The following RORA variants were observed in gnomAD, a reference collection of about 807,000 sequenced individuals.
The protein encoded by RORA is RAR related orphan receptor A.
RORA carries 7 observed loss-of-function variants against 69.5 expected under a neutral mutation model. The ratio of observed to expected loss-of-function variants is 0.10; its 90% CI spans 0.06 to 0.19. The LOEUF (loss-of-function observed/expected upper bound fraction) is 0.19, where lower values mean the gene tolerates loss of function less well. Among genes scored for constraint, RORA ranks in the 10% least tolerant of loss-of-function variants. The pLI is 1.00. For synonymous variants in RORA, 261 were observed against 240.8 expected (o/e 1.08, Z -0.78); for missense variants, 457 against 663.0 (o/e 0.69, Z 3.41).
chr15:60,510,861 T>A (rs1017115507), intron 5 of RORA, among the ~76,000 whole-genome samples: 10 of 151,630 alleles, frequency 6.6e-5, no homozygotes, highest in Admixed American at 2.6e-4. Flanking sequence ...CAAGTTCAGT[T>A]TGTGGACTGC....
At chr15:60,719,321 T>C (rs533161280) in intron 1 of RORA, among the ~76,000 whole-genome samples, 1 of 151,894 alleles carries the variant, frequency 6.6e-6, no homozygotes, top group East Asian at 1.9e-4. Context: ...GTGTGTGTGT[T>C]AGCAGGAGGG....
At chr15:60,782,870 A>C (rs974324275) in intron 1 of RORA, among the ~76,000 whole-genome samples, 1 of 152,268 alleles carries the variant, frequency 6.6e-6, no homozygotes, top group Admixed American at 6.5e-5. Context: ...CTCAAATGCT[A>C]TAGGCATTGA....
At chr15:60,945,450 A>G (rs1450602969) in intron 1 of RORA, among the ~76,000 whole-genome samples, 1 of 152,086 alleles carries the variant, frequency 6.6e-6, no homozygotes, top group African/African-American at 2.4e-5. Flanking sequence ...TTGTTATATC[A>G]TGGCTGCTGC....
intron 1 of RORA, among the ~76,000 whole-genome samples, chr15:60,936,967 G>A (rs1421523015): frequency 1.3e-5 from 2 of 152,138 alleles, no homozygotes; most frequent in African/African-American, 4.8e-5. Flanking sequence ...GTGAAGGAAA[G>A]GGTATAGGTC....
At chr15:60,649,098 C>A (rs994565236) in intron 2 of RORA, among the ~76,000 whole-genome samples, 1 of 152,168 alleles carries the variant, frequency 6.6e-6, no homozygotes, top group African/African-American at 2.4e-5. Flanking sequence ...ATAATATTCC[C>A]ATTCCAAGCC....
At chr15:60,603,919 G>A (rs917633342) in intron 2 of RORA, among the ~76,000 whole-genome samples, 1 of 152,054 alleles carries the variant, frequency 6.6e-6, no homozygotes, top group Non-Finnish European at 1.5e-5. Flanking sequence ...TGGATCACCT[G>A]AGGTCGGGAG....
At chr15:60,887,856 G>A (rs747923359) in intron 1 of RORA, among the ~76,000 whole-genome samples, 21 of 152,282 alleles carry the variant, frequency 1.4e-4, no homozygotes, top group Admixed American at 3.3e-4. Flanking sequence ...TTTGTTCCAC[G>A]TAAGACCAAC....
At chr15:60,543,447 G>T (rs12914868) in intron 2 of RORA, among the ~76,000 whole-genome samples, 144,813 of 152,082 alleles carry the variant, frequency 0.95, 69,389 homozygotes, top group Non-Finnish European at 1. Context: ...ACATAGTAAG[G>T]GCTCCATAAA....
intron 1 of RORA, among the ~76,000 whole-genome samples, chr15:60,708,061 G>C (rs1166017216): frequency 6.6e-6 from 1 of 152,100 alleles, no homozygotes; most frequent in Admixed American, 6.5e-5. Context: ...CACCTCCTTG[G>C]ACTGAGGCTT....
chr15:60,772,070 T>C (rs2072084239), intron 1 of RORA, among the ~76,000 whole-genome samples: 1 of 152,118 alleles, frequency 6.6e-6, no homozygotes, highest in African/African-American at 2.4e-5. Flanking sequence ...TATTTATTTA[T>C]ATTATACTTT....
Position 60,490,248 on chromosome 15 carries a change from G to C in RORA, c.*7207C>G, listed in dbSNP as rs1296937917. ...AGGTGGTATTGTCTAGGAATAAAAG[G>C]GATAATTTTTGTTGTTCACAAAAGT... On this transcript the variant is annotated 3_prime_UTR_variant, in exon 11 of 11. Coordinates refer to ENST00000335670, the MANE Select transcript of RORA (RefSeq NM_134261.3). The surrounding 1 kb of genome is among the most constrained non-coding windows in gnomAD (Gnocchi z 4.1). The C allele has an allele frequency of 6.6e-6, 1 of 151,504 alleles. No homozygotes were observed. The highest frequency in any genetic ancestry group is 2.4e-5 in the African/African-American group (1 of 41,252). 9.4% of individuals were successfully genotyped at this position (151,504 alleles called of 1,614,324 possible).
At chr15:61,140,385 C>T (rs968341971) in intron 1 of RORA, among the ~76,000 whole-genome samples, 5 of 152,160 alleles carry the variant, frequency 3.3e-5, no homozygotes, top group Admixed American at 6.5e-5. Flanking sequence ...TAATAACCCC[C>T]GCCAAAATTC....
intron 1 of RORA, among the ~76,000 whole-genome samples, chr15:60,723,963 A>G (rs1317405184): frequency 6.6e-6 from 1 of 152,188 alleles, no homozygotes; most frequent in East Asian, 1.9e-4. Context: ...ATCTTAGAGA[A>G]ACTAAGTGCT....
At chr15:60,803,716 C>T (rs903175016) in intron 1 of RORA, among the ~76,000 whole-genome samples, 5 of 152,172 alleles carry the variant, frequency 3.3e-5, no homozygotes, top group Non-Finnish European at 7.3e-5. Context: ...GACTCTCTCT[C>T]AGGAGGAAGT....
intron 1 of RORA, among the ~76,000 whole-genome samples, chr15:61,178,159 T>C (rs911922327): frequency 7.2e-5 from 11 of 152,184 alleles, no homozygotes; most frequent in Non-Finnish European, 5.9e-5. Context: ...GAACCTAATG[T>C]ATGTTTTTCA....
chr15:60,831,040 T>C (rs1296421280), intron 1 of RORA, among the ~76,000 whole-genome samples: 1 of 152,166 alleles, frequency 6.6e-6, no homozygotes. Flanking sequence ...GCGAGGAGAC[T>C]GAGAATACCT....
At chr15:60,832,769 A>C (rs1336513781) in intron 1 of RORA, among the ~76,000 whole-genome samples, 2 of 152,178 alleles carry the variant, frequency 1.3e-5, no homozygotes, top group African/African-American at 4.8e-5. Context: ...TGAGGAAAAA[A>C]TGTTGGGCAA....
Position 60,597,611 on chromosome 15 carries a change from TATATATACATACATATATATAC to T in RORA, c.197-65782_197-65761del, listed in dbSNP as rs1567115598. On this transcript the variant is annotated intron_variant, in intron 2 of 10. Transcript: ENST00000335670. ...ATATATATACACATATATATATATA[TATATATACATACATATATATAC>T]ATATATATATATATATGTAAGCAAA... Among the ~76,000 whole-genome samples, 121 of 44,490 alleles carry T rather than the reference TATATATACATACATATATATAC, an allele frequency of 2.7e-3. 11 individuals are homozygous for T. Among genetic ancestry groups the T allele is most frequent in the East Asian group, 9.9e-3 (6 of 606 alleles). The allele number at this position is 44,490 out of a possible 152,430, so 29.2% of individuals were successfully genotyped here. A position where few individuals can be genotyped will look rare whatever the true frequency, so the allele number is the denominator to read the frequency against.
chr15:60,799,966 G>C (rs908409270), intron 1 of RORA, among the ~76,000 whole-genome samples: 1 of 152,108 alleles, frequency 6.6e-6, no homozygotes, highest in Non-Finnish European at 1.5e-5. Context: ...ATTGTCTCTG[G>C]CTCTGTTTCC....
Sources: allele counts gnomAD v4.1 joint callset (sites outside exome capture counted in the v4.1 genomes callset), GRCh38; gene constraint gnomAD v4.1.1; non-coding constraint Gnocchi (gnomAD v3.1); transcripts MANE v1.5; gene names NCBI Gene and HGNC (gene_info 2026-07-23, HGNC 2026-07-21).